The following PKNOX1 variants were observed in gnomAD, a reference collection of about 807,000 sequenced individuals.
PKNOX1 encodes the protein homeobox protein PKNOX1.
PKNOX1 carries 15 observed loss-of-function variants against 51.9 expected under a neutral mutation model. The observed-to-expected ratio is 0.29, with a 90% CI of 0.19 to 0.45. PKNOX1 has a LOEUF of 0.45. Ranked by LOEUF, PKNOX1 falls within the 20% of genes least tolerant of loss-of-function variation. PKNOX1 has a pLI of 1.00. For synonymous variants in PKNOX1, 219 were observed against 211.1 expected (o/e 1.04, Z -0.32); for missense variants, 462 against 547.5 (o/e 0.84, Z 1.56).
chr21:42,990,312 G>A lies in PKNOX1; in HGVS notation c.-56-14014G>A, dbSNP rs184080101. Reference sequence around the variant, plus strand: ...AGTAACGATCCACTGTGGCTTCCTGGAAACATCCATGTTCACAGCTGGGGT... The same window carrying A: ...AGTAACGATCCACTGTGGCTTCCTGAAAACATCCATGTTCACAGCTGGGGT... On this transcript the variant is annotated intron_variant, in intron 1 of 10. Transcript: ENST00000291547. 5.8e-3 allele frequency among the ~76,000 whole-genome samples: 876 copies of A among 152,194 alleles called. 4 individuals are homozygous for A. Among genetic ancestry groups the A allele is most frequent in the Non-Finnish European group, 9.9e-3 (676 of 68,022 alleles).
chr21:42,987,427 ATG>A (rs2059059863), intron 1 of PKNOX1, among the ~76,000 whole-genome samples: 2 of 133,172 alleles, frequency 1.5e-5, no homozygotes, highest in Non-Finnish European at 3.2e-5. Flanking sequence ...ATATATATAT[ATG>A]TATACTCAGA....
At chr21:43,015,631 T>G (rs903678561) in intron 5 of PKNOX1, among the ~76,000 whole-genome samples, 1 of 152,224 alleles carries the variant, frequency 6.6e-6, no homozygotes, top group South Asian at 2.1e-4. Flanking sequence ...TATTTTTTTC[T>G]GGAGATTATG....
At chr21:42,997,417 C>T (rs1978555760) in intron 1 of PKNOX1, among the ~76,000 whole-genome samples, 1 of 152,208 alleles carries the variant, frequency 6.6e-6, no homozygotes, top group African/African-American at 2.4e-5. Flanking sequence ...ATTTTGTCAA[C>T]TGTGCATCAG....
chr21:43,003,172 T>C (rs8127209), intron 1 of PKNOX1, among the ~76,000 whole-genome samples: 98,194 of 152,084 alleles, frequency 0.65, 31,902 homozygotes, highest in Middle Eastern at 0.73. Flanking sequence ...GTGGCACAAC[T>C]GCCCTTGACC....
intron 8 of PKNOX1, among the ~76,000 whole-genome samples, chr21:43,023,904 A>G (rs548891392): frequency 6.1e-5 from 9 of 147,914 alleles, no homozygotes; most frequent in Non-Finnish European, 1.0e-4. Context: ...GTGAGCCACC[A>G]CACCTGGCCA....
chr21:42,993,371 G>A (rs1445332234), intron 1 of PKNOX1, among the ~76,000 whole-genome samples: 1 of 152,218 alleles, frequency 6.6e-6, no homozygotes, highest in Non-Finnish European at 1.5e-5. Flanking sequence ...GGCGCCTTGA[G>A]TGGCTGGGCC....
intron 5 of PKNOX1, among the ~76,000 whole-genome samples, chr21:43,014,447 G>A (rs1979399338): frequency 2.0e-5 from 3 of 152,098 alleles, no homozygotes; most frequent in Admixed American, 1.3e-4. Flanking sequence ...GTCTATAGTA[G>A]CTAAGTATTT....
intron 1 of PKNOX1, among the ~76,000 whole-genome samples, chr21:42,977,055 G>T (rs1471086879): frequency 6.6e-6 from 1 of 152,144 alleles, no homozygotes; most frequent in Non-Finnish European, 1.5e-5. Context: ...TGGGTGACTA[G>T]GTACATTGTC....
chr21:43,030,078 G>A lies in PKNOX1; in HGVS notation c.1288G>A (p.Glu430Lys). 6.2e-7 allele frequency: 1 copy of A among 1,604,824 alleles called. No homozygotes were observed. Among genetic ancestry groups the A allele is most frequent in the Non-Finnish European group, 8.5e-7 (1 of 1,172,392 alleles). ...TGCCCACATCAGCGGGCTGGTCTTG[G>A]AGAACAGTGACTCCCTGCAGTAGGG... ...APAHISGLVL[E>K]NSDSLQ The change falls in exon 11 of 11, where the codon GAG becomes AAG. Residue 430 changes from glutamate (E) to lysine (K), a missense_variant. This residue lies in a region of PKNOX1 where 118 missense variants were observed against 116.8 expected (regional missense o/e 1.01). Coordinates refer to ENST00000291547, the MANE Select transcript of PKNOX1 (RefSeq NM_004571.5).
intron 1 of PKNOX1, among the ~76,000 whole-genome samples, chr21:42,986,093 A>G (rs959937695): frequency 6.6e-6 from 1 of 152,130 alleles, no homozygotes; most frequent in Non-Finnish European, 1.5e-5. Flanking sequence ...TTTAGGGGAC[A>G]TATGTGGGCC....
intron 1 of PKNOX1, among the ~76,000 whole-genome samples, chr21:43,003,472 C>T (rs1026504152): frequency 3.3e-5 from 5 of 152,182 alleles, no homozygotes; most frequent in South Asian, 2.1e-4. Context: ...CTTTTCCACC[C>T]GTCTCAGGCC....
At chr21:43,011,367 C>T (rs1020977948) in intron 4 of PKNOX1, among the ~76,000 whole-genome samples, 5 of 152,106 alleles carry the variant, frequency 3.3e-5, no homozygotes, top group East Asian at 1.9e-4. Flanking sequence ...CCACGCCCGG[C>T]GACAGCTCTG....
At chr21:42,993,140 G>A (rs1374376390) in intron 1 of PKNOX1, among the ~76,000 whole-genome samples, 2 of 152,092 alleles carry the variant, frequency 1.3e-5, no homozygotes, top group African/African-American at 2.4e-5. Context: ...GGATTGCAGA[G>A]GAAGGGACAA....
In PKNOX1 at chr21:43,028,531, A is replaced by G. The variant is rs558757280; in HGVS notation, c.927-171A>G. On this transcript the variant is annotated intron_variant, in intron 9 of 10. Coordinates refer to ENST00000291547, the MANE Select transcript of PKNOX1 (RefSeq NM_004571.5). ...AGGCTCTGTGTTTCTGGGCATTTAGAGAATTCAGAAGAGCTGTTGAGTCCT... is the reference window on the plus strand; with the variant it reads ...AGGCTCTGTGTTTCTGGGCATTTAGGGAATTCAGAAGAGCTGTTGAGTCCT... 21 of 661,766 alleles carry G rather than the reference A, an allele frequency of 3.2e-5. No homozygotes were observed. In the East Asian group the frequency reaches 5.1e-4, roughly 16 times the overall value. The allele number at this position is 661,766 out of a possible 1,614,324, so 41.0% of individuals were successfully genotyped here.
At chr21:42,986,715 G>A (rs2059053972) in intron 1 of PKNOX1, among the ~76,000 whole-genome samples, 1 of 152,106 alleles carries the variant, frequency 6.6e-6, no homozygotes, top group Non-Finnish European at 1.5e-5. Context: ...GTCCTAAAAG[G>A]TGTCCTGGAG....
intron 1 of PKNOX1, among the ~76,000 whole-genome samples, chr21:42,988,300 C>T (rs781755987): frequency 9.2e-5 from 14 of 152,100 alleles, no homozygotes; most frequent in Non-Finnish European, 1.8e-4. Flanking sequence ...CCGCCCACCT[C>T]GGCCTCCCAA....
chr21:43,008,117 C>T (rs1307286623), intron 3 of PKNOX1, among the ~76,000 whole-genome samples: 2 of 149,226 alleles, frequency 1.3e-5, no homozygotes, highest in African/African-American at 5.0e-5. Flanking sequence ...TTTCTAATAC[C>T]TATAAAAGTT....
At chr21:43,026,162 C>T (rs1438416275) in intron 9 of PKNOX1, among the ~76,000 whole-genome samples, 1 of 152,180 alleles carries the variant, frequency 6.6e-6, no homozygotes, top group African/African-American at 2.4e-5. Context: ...CGTCACTGCT[C>T]AGCACCCTCC....
At chr21:43,022,526 G>A (rs1276697389) in intron 8 of PKNOX1, among the ~76,000 whole-genome samples, 1 of 152,142 alleles carries the variant, frequency 6.6e-6, no homozygotes, top group Non-Finnish European at 1.5e-5. Context: ...CCTGGCAGGA[G>A]CCTGGGCTGC....
Sources: allele counts gnomAD v4.1 joint callset (sites outside exome capture counted in the v4.1 genomes callset), GRCh38; gene constraint gnomAD v4.1.1; regional missense constraint gnomAD v4.1.1; transcripts MANE v1.5; gene names NCBI Gene and HGNC (gene_info 2026-07-23, HGNC 2026-07-21).